The following TGFBR3L variants were observed in gnomAD, a reference collection of about 807,000 sequenced individuals.
The protein encoded by TGFBR3L is transforming growth factor beta receptor 3 like.
Under a neutral mutation model 20.4 loss-of-function variants are expected in TGFBR3L, and 21 were observed. That is an observed-to-expected ratio of 1.03 (90% confidence interval 0.73 to 1.48). The LOEUF (loss-of-function observed/expected upper bound fraction) is 1.48. TGFBR3L is among the 40% of genes most tolerant of loss of function. The probability of loss-of-function intolerance (pLI) is 0.00; values close to 1 mark genes in which losing one functional copy is unlikely to be tolerated. For missense variants in TGFBR3L, 479 were observed against 498.0 expected, an observed-to-expected ratio of 0.96 and a Z score of 0.36; for synonymous variants, 245 against 244.2, an observed-to-expected ratio of 1.00 and a Z score of -0.03.
intron 2 of TGFBR3L, 197 bp downstream of exon 3, chr19:7,917,139 C>A: frequency 1.0e-6 from 1 of 971,610 alleles, no homozygotes; most frequent in South Asian, 2.5e-5. Context: ...ATGGACAGCT[C>A]TGGAATCCTT....
chr19:7,917,828 C>A lies in TGFBR3L; in HGVS notation c.852C>A (p.Ala284=). ...CCTTCGTGCTGGGCGCCGCGCTGGC[C>A]GCCGGGCTGGGTCTCGTCTGTGCGC... Residue 284 remains alanine, a synonymous_variant, in exon 4 of 6, where the codon GCC becomes GCA. Transcript: ENST00000565886. 1 of 1,386,094 alleles carries A rather than the reference C, an allele frequency of 7.2e-7. No homozygotes were observed. The highest frequency in any genetic ancestry group is 1.6e-5 in the South Asian group (1 of 61,840). The allele number at this position is 1,386,094 out of a possible 1,614,324, so 85.9% of individuals were successfully genotyped here.
At position 7,916,373 on chromosome 19, in the gene TGFBR3L, C is replaced by T. The variant is rs1381289148; in HGVS notation, c.106C>T (p.Leu36Phe). 6.5e-7 allele frequency: 1 copy of T among 1,535,638 alleles called. No homozygotes were observed. Among genetic ancestry groups the T allele is most frequent in the Non-Finnish European group, 8.7e-7 (1 of 1,146,774 alleles). Residue 36 changes from leucine (L) to phenylalanine (F), a missense_variant, in exon 1 of 6, where the codon CTC becomes TTC. Physicochemically the swap from Leu to Phe is conservative, Grantham distance 22 (BLOSUM62 0). Coordinates refer to ENST00000565886, the MANE Select transcript of TGFBR3L (RefSeq NM_001195259.2). ...AGGCCTAAAGGGCAGCGCGCGTTTT[C>T]TCTCCTTTGGGCCGCCCTTCCCCGC...
At chr19:7,918,330 G>C (rs886939966) in intron 5 of TGFBR3L, among the ~76,000 whole-genome samples, 1 of 152,254 alleles carries the variant, frequency 6.6e-6, no homozygotes, top group East Asian at 1.9e-4. Flanking sequence ...TCTGCCTCCC[G>C]GGTTCAAGCG....
In TGFBR3L at chr19:7,918,019, G is replaced by T. The variant is rs1186048697; in HGVS notation, c.884-38G>T. ...GGGGCCGCCCTTAGCCTGGCGTGGC[G>T]CGCAGCAGCCCTTCTGCAGCTCGCC... On this transcript the variant is annotated intron_variant, in intron 4 of 5. Transcript: ENST00000565886. 2.6e-6 allele frequency: 4 copies of T among 1,524,484 alleles called. No homozygotes were observed. In the South Asian group the frequency reaches 4.8e-5, roughly 18 times the overall value. 94.4% of individuals were successfully genotyped at this position (1,524,484 alleles called of 1,614,324 possible).
At position 7,916,033 on chromosome 19, in the gene TGFBR3L, G is replaced by GA. The variant is rs1568284832; in HGVS notation, c.-235_-234insA. ...AGAAAGGGGAGCCGCCTGTCCTGCT[G>GA]CGTCCCCAAGAGCAGCCCTGGGGAA... is the stretch of plus-strand genomic sequence containing the variant. On this transcript the variant is annotated 5_prime_UTR_variant, in exon 1 of 6. Coordinates refer to ENST00000565886, the MANE Select transcript of TGFBR3L (RefSeq NM_001195259.2). 1 of 698,238 alleles carries GA rather than the reference G, an allele frequency of 1.4e-6. No individual in the cohort carries two copies. The highest frequency in any genetic ancestry group is 2.3e-6 in the Non-Finnish European group (1 of 439,250). 43.3% of individuals were successfully genotyped at this position (698,238 alleles called of 1,614,324 possible). A position where few individuals can be genotyped will look rare whatever the true frequency, so the allele number is the denominator to read the frequency against.
chr19:7,916,837 C>T lies in TGFBR3L; in HGVS notation c.492C>T (p.Ala164=). 2.7e-6 allele frequency: 4 copies of T among 1,476,708 alleles called. No homozygotes were observed. The highest frequency in any genetic ancestry group is 5.8e-5 in the East Asian group (2 of 34,454). 91.5% of individuals were successfully genotyped at this position (1,476,708 alleles called of 1,614,324 possible). A position where few individuals can be genotyped will look rare whatever the true frequency, so the allele number is the denominator to read the frequency against. Residue 164 remains alanine, a synonymous_variant, in exon 2 of 6, where the codon GCC becomes GCT. Coordinates refer to ENST00000565886, the MANE Select transcript of TGFBR3L (RefSeq NM_001195259.2). ...TCCGCCTGCGCCCGGTCTTCAACGCCTCGGTGCAGTTCCTGCACTGCCAGC... is the reference window on the plus strand; with the variant it reads ...TCCGCCTGCGCCCGGTCTTCAACGCTTCGGTGCAGTTCCTGCACTGCCAGC...
Position 7,917,752 on chromosome 19 carries a change from C to T in TGFBR3L, c.776C>T (p.Pro259Leu). Residue 259 changes from proline (P) to leucine (L), a missense_variant, in exon 4 of 6, where the codon CCG becomes CTG. Coordinates refer to ENST00000565886, the MANE Select transcript of TGFBR3L (RefSeq NM_001195259.2). ...GCAGTGCGCCCTGAGCCTCCCGCGC[C>T]GGCCCCCGCGGCCCTGGAACCCGCG... The T allele has an allele frequency of 7.0e-7, 1 of 1,435,144 alleles. No individual in the cohort carries two copies. Among genetic ancestry groups the T allele is most frequent in the South Asian group, 1.4e-5 (1 of 70,880 alleles). 88.9% of individuals were successfully genotyped at this position (1,435,144 alleles called of 1,614,324 possible). A position where few individuals can be genotyped will look rare whatever the true frequency, so the allele number is the denominator to read the frequency against.
At position 7,915,106 on chromosome 19, in the gene TGFBR3L, C is replaced by G. The variant is rs1178792731; in HGVS notation, c.-1162C>G. On this transcript the variant is annotated 5_prime_UTR_variant, in exon 1 of 6. Transcript: ENST00000565886. ...TCTCCTGCCTCAGCCTCCTGAGTAG[C>G]TGGGACTACAGGCACGCACCACCAC... 2.6e-5 allele frequency among the ~76,000 whole-genome samples: 4 copies of G among 152,186 alleles called. No individual in the cohort carries two copies. Among genetic ancestry groups the G allele is most frequent in the Non-Finnish European group, 5.9e-5 (4 of 68,030 alleles).
Position 7,916,911 on chromosome 19 carries a change from T to C in TGFBR3L, c.566T>C (p.Leu189Pro). Reference sequence around the variant, plus strand: ...GGAGTCCGCCGGGCGCCTGCGCCTCTGACGCCGCCGCCGCCGCCGCCGCCA... The same window carrying C: ...GGAGTCCGCCGGGCGCCTGCGCCTCCGACGCCGCCGCCGCCGCCGCCGCCA... Residue 189 changes from leucine to proline, a missense_variant, in exon 2 of 6, where the codon CTG (leucine) becomes CCG (proline). Leu to Pro is a moderately conservative substitution (Grantham distance 98). Transcript: ENST00000565886. 2 of 1,312,198 alleles carry C rather than the reference T, an allele frequency of 1.5e-6. No individual in the cohort carries two copies. Among genetic ancestry groups the C allele is most frequent in the Non-Finnish European group, 9.6e-7 (1 of 1,038,598 alleles). 81.3% of individuals were successfully genotyped at this position (1,312,198 alleles called of 1,614,324 possible). A position where few individuals can be genotyped will look rare whatever the true frequency, so the allele number is the denominator to read the frequency against.
Position 7,917,725 on chromosome 19 carries a change from G to C in TGFBR3L, c.749G>C (p.Arg250Pro). ...GGGCCGCCCAAGAGTGTCCCCGGCCGTGCAGTGCGCCCTGAGCCTCCCGCG... is the reference window on the plus strand; with the variant it reads ...GGGCCGCCCAAGAGTGTCCCCGGCCCTGCAGTGCGCCCTGAGCCTCCCGCG... Residue 250 changes from arginine (R) to proline (P), a missense_variant, in exon 4 of 6, where the codon CGT becomes CCT. Arg to Pro is a moderately radical substitution (Grantham distance 103, BLOSUM62 -2). Transcript: ENST00000565886. 1 of 1,425,270 alleles carries C rather than the reference G, an allele frequency of 7.0e-7. No individual in the cohort carries two copies. 88.3% of individuals were successfully genotyped at this position (1,425,270 alleles called of 1,614,324 possible).
chr19:7,916,320 G>T lies in TGFBR3L; in HGVS notation c.53G>T (p.Gly18Val), dbSNP rs1442831360. Residue 18 changes from glycine (G) to valine (V), a missense_variant, in exon 1 of 6, where the codon GGG becomes GTG. By Grantham distance (109) the Gly-to-Val change is moderately radical. Coordinates refer to ENST00000565886, the MANE Select transcript of TGFBR3L (RefSeq NM_001195259.2). ...TCCCTTTTCCAAAGGCGGCGGCGGG[G>T]GCGAGGTGGTCGGGTCACTTTTCCC... is the stretch of plus-strand genomic sequence containing the variant. 1.3e-6 allele frequency: 2 copies of T among 1,535,614 alleles called. No homozygotes were observed. The highest frequency in any genetic ancestry group is 3.9e-5 in the Admixed American group (2 of 50,998).
intron 4 of TGFBR3L, 70 bp from the exon 6 acceptor site, chr19:7,917,987 G>A: frequency 6.7e-7 from 1 of 1,490,736 alleles, no homozygotes; most frequent in South Asian, 1.3e-5. Flanking sequence ...GCCCGCAGCA[G>A]CCCCCAGGGG....
At position 7,916,702 on chromosome 19, in the gene TGFBR3L, G is replaced by A; in HGVS notation, c.357G>A (p.Pro119=). ...TGACGCCGTCCTCACGCCCGGCCCC[G>A]GGGCCCGCCCTGGCTCTGCTGCGTG... The change falls in exon 2 of 6, where the codon CCG becomes CCA. Residue 119 remains proline (P), a synonymous_variant. Coordinates refer to ENST00000565886, the MANE Select transcript of TGFBR3L (RefSeq NM_001195259.2). 6.9e-7 allele frequency: 1 copy of A among 1,448,664 alleles called. No homozygotes were observed. Among genetic ancestry groups the A allele is most frequent in the East Asian group, 2.9e-5 (1 of 34,546 alleles). 89.7% of individuals were successfully genotyped at this position (1,448,664 alleles called of 1,614,324 possible). A position where few individuals can be genotyped will look rare whatever the true frequency, so the allele number is the denominator to read the frequency against.
Position 7,918,114 on chromosome 19 carries a change from G to A in TGFBR3L, c.941G>A (p.Arg314Lys). The change falls in exon 5 of 6, where the codon AGG becomes AAG. Residue 314 changes from arginine to lysine, a missense_variant. Transcript: ENST00000565886. Reference sequence around the variant, plus strand: ...TCGCCCAGCGGTCCCCAGCCCAGGAGGTCCCAGTGAGGAAGGTAGGTATGG... The same window carrying A: ...TCGCCCAGCGGTCCCCAGCCCAGGAAGTCCCAGTGAGGAAGGTAGGTATGG... The A allele has an allele frequency of 1.3e-6, 2 of 1,535,258 alleles. No individual in the cohort carries two copies. The highest frequency in any genetic ancestry group is 1.2e-5 in the South Asian group (1 of 84,048).
rs1983270427 is a variant in TGFBR3L, at chr19:7,916,086, C to A, written c.-182C>A. The A allele has an allele frequency of 7.9e-7, 1 of 1,259,438 alleles. No individual in the cohort carries two copies. The highest frequency in any genetic ancestry group is 1.1e-6 in the Non-Finnish European group (1 of 943,044). The allele number at this position is 1,259,438 out of a possible 1,614,324, so 78.0% of individuals were successfully genotyped here. On this transcript the variant is annotated 5_prime_UTR_variant, in exon 1 of 6. Transcript: ENST00000565886. ...TGGGGGAGCTCTGACTTCACCCAGC[C>A]GGACCCCACCATCGGGTGCTCCTCA...
In TGFBR3L at chr19:7,916,101, G is replaced by A; in HGVS notation, c.-167G>A. 1.5e-6 allele frequency: 2 copies of A among 1,355,248 alleles called. No individual in the cohort carries two copies. Among genetic ancestry groups the A allele is most frequent in the Non-Finnish European group, 1.9e-6 (2 of 1,029,840 alleles). The allele number at this position is 1,355,248 out of a possible 1,614,324, so 84.0% of individuals were successfully genotyped here. A position where few individuals can be genotyped will look rare whatever the true frequency, so the allele number is the denominator to read the frequency against. On this transcript the variant is annotated 5_prime_UTR_variant, in exon 1 of 6. Transcript: ENST00000565886. ...TTCACCCAGCCGGACCCCACCATCG[G>A]GTGCTCCTCACCGCTTCTCTTCCGC...
In TGFBR3L at chr19:7,917,701, G is replaced by A. The variant is rs958917883; in HGVS notation, c.725G>A (p.Arg242Lys). Residue 242 changes from arginine (R) to lysine (K), a missense_variant and splice_region_variant, in exon 4 of 6, where the codon AGG (arginine) becomes AAG (lysine). Transcript: ENST00000565886. ...AGTCTCAGCGTGGCACTTCCCACAG[G>A]GCCGCCCAAGAGTGTCCCCGGCCGT... 9 of 1,423,768 alleles carry A rather than the reference G, an allele frequency of 6.3e-6. No individual in the cohort carries two copies. Among genetic ancestry groups the A allele is most frequent in the African/African-American group, 3.0e-5 (2 of 66,828 alleles). The allele number at this position is 1,423,768 out of a possible 1,614,324, so 88.2% of individuals were successfully genotyped here.
intron 2 of TGFBR3L, chr19:7,917,169 C>T: frequency 1.2e-6 from 1 of 807,648 alleles, no homozygotes; most frequent in Non-Finnish European, 1.8e-6. Flanking sequence ...GGGTTGGATG[C>T]AGAAGGCCAC....
rs1178981374 is a variant in TGFBR3L, at chr19:7,916,380, T to C, written c.113T>C (p.Phe38Ser). The change falls in exon 1 of 6, where the codon TTT becomes TCT. Residue 38 changes from phenylalanine (F) to serine (S), a missense_variant. By Grantham distance (155) the Phe-to-Ser change is radical. Transcript: ENST00000565886. ...AAGGGCAGCGCGCGTTTTCTCTCCT[T>C]TGGGCCGCCCTTCCCCGCCCCGCCA... 6.5e-6 allele frequency: 10 copies of C among 1,535,414 alleles called. No homozygotes were observed. The highest frequency in any genetic ancestry group is 8.7e-6 in the Non-Finnish European group (10 of 1,146,666).
Sources: allele counts gnomAD v4.1 joint callset (sites outside exome capture counted in the v4.1 genomes callset), GRCh38; gene constraint gnomAD v4.1.1; transcripts MANE v1.5; gene names NCBI Gene and HGNC (gene_info 2026-07-23, HGNC 2026-07-21).